Variants in JAKMIP1 observed in about 807,000 individuals in gnomAD.
JAKMIP1 encodes the protein janus kinase and microtubule interacting protein 1.
A neutral mutation model predicts 113.0 loss-of-function variants in JAKMIP1; 33 were observed. The observed-to-expected ratio is 0.29, with a 90% CI of 0.22 to 0.39. The LOEUF (loss-of-function observed/expected upper bound fraction) is 0.39, where lower values mean the gene tolerates loss of function less well. JAKMIP1 is among the 10% of genes least tolerant of loss of function. The pLI, the probability that JAKMIP1 is intolerant of heterozygous loss-of-function variation, is 1.00. For missense variants in JAKMIP1, 813 were observed against 1,080.5 expected (o/e 0.75, Z 3.47); for synonymous variants, 480 against 459.9 (o/e 1.04, Z -0.56).
At position 6,081,820 on chromosome 4, in the gene JAKMIP1, C is replaced by T. The variant is rs76793207; in HGVS notation, c.955-65G>A. On this transcript the variant is annotated intron_variant, in intron 5 of 20. Coordinates refer to ENST00000409021, the MANE Select transcript of JAKMIP1 (RefSeq NM_001099433.2). The surrounding 1 kb of genome is among the most constrained non-coding windows in gnomAD (Gnocchi z 4.6). ...CGACGGACGGCCGAGGTCACAGCAC[C>T]GAGGTGAGCAGAGACTCAACCCAGT... is the stretch of plus-strand genomic sequence containing the variant. 17,012 of 1,594,454 alleles carry T rather than the reference C, an allele frequency of 0.011. 138 individuals carry two copies. Among genetic ancestry groups the T allele is most frequent in the Non-Finnish European group, 0.012 (13,983 of 1,166,574 alleles).
rs1430412253 is a variant in JAKMIP1 at position 6,067,111 on chromosome 4, A to C, written c.1303-2103T>G. 6.6e-6 allele frequency among the ~76,000 whole-genome samples: 1 copy of C among 151,888 alleles called. No homozygotes were observed. The highest frequency in any genetic ancestry group is 2.4e-5 in the African/African-American group (1 of 41,318). On this transcript the variant is annotated intron_variant, in intron 8 of 20. Coordinates refer to ENST00000409021, the MANE Select transcript of JAKMIP1 (RefSeq NM_001099433.2). The surrounding 1 kb of genome is among the most constrained non-coding windows in gnomAD (Gnocchi z 4.6). ...CCTTCTTTATTCCTTTCCATAGCAC[A>C]TCTCCCCGCTGACGTAAGATCTGGC...
chr4:6,110,926 C>A (rs1714831934), intron 2 of JAKMIP1, among the ~76,000 whole-genome samples: 1 of 151,706 alleles, frequency 6.6e-6, no homozygotes, highest in Admixed American at 6.6e-5. Flanking sequence ...CCGGAGGTGA[C>A]CTGGCCTGTT....
chr4:6,112,825 C>G lies in JAKMIP1; in HGVS notation c.26G>C (p.Gly9Ala). Residue 9 changes from glycine (G) to alanine (A), a missense_variant, in exon 2 of 21, where the codon GGC becomes GCC. Physicochemically the swap from Gly to Ala is moderately conservative, Grantham distance 60. This residue lies in a region of JAKMIP1 where 540 missense variants were observed against 653.9 expected (regional missense o/e 0.83). Coordinates refer to ENST00000409021, the MANE Select transcript of JAKMIP1 (RefSeq NM_001099433.2). ...GTCCGTCTCCATCTCGGGCTTCTCG[C>G]CCTTGCTCCGGCCTTTCTTCGACAT... Reference protein sequence around the residue: MSKKGRSKGEKPEMETDAV... With the variant: MSKKGRSKAEKPEMETDAV... 1 of 1,614,048 alleles carries G rather than the reference C, an allele frequency of 6.2e-7. No individual in the cohort carries two copies. The highest frequency in any genetic ancestry group is 8.5e-7 in the Non-Finnish European group (1 of 1,180,022).
chr4:6,033,102 G>C (rs761605147), intron 19 of JAKMIP1, among the ~76,000 whole-genome samples: 1 of 152,244 alleles, frequency 6.6e-6, no homozygotes, highest in Admixed American at 6.5e-5. Flanking sequence ...GAATCATTCC[G>C]CTGGGAAAGG....
chr4:6,128,716 A>C (rs4574484), intron 1 of JAKMIP1, among the ~76,000 whole-genome samples: 32,174 of 152,092 alleles, frequency 0.21, 3,613 homozygotes, highest in Middle Eastern at 0.26. Flanking sequence ...AGTCCTCTCT[A>C]GAGTCCTTCT....
At position 6,197,589 on chromosome 4, in the gene JAKMIP1, A is replaced by C. The variant is rs1296915445; in HGVS notation, c.-148+2664T>G. Among the ~76,000 whole-genome samples the C allele has an allele frequency of 6.6e-6, 1 of 152,234 alleles. No homozygotes were observed. Among genetic ancestry groups the C allele is most frequent in the Non-Finnish European group, 1.5e-5 (1 of 68,046 alleles). On this transcript the variant is annotated intron_variant, in intron 1 of 20. Coordinates refer to ENST00000409021, the MANE Select transcript of JAKMIP1 (RefSeq NM_001099433.2). The surrounding 1 kb of genome is among the most constrained non-coding windows in gnomAD (Gnocchi z 6.5). ...AAACTACAGGCAAGTCCAACTTCAGAAGCCCTGCAGGTTGATCCCGTCGCC... is the reference window on the plus strand; with the variant it reads ...AAACTACAGGCAAGTCCAACTTCAGCAGCCCTGCAGGTTGATCCCGTCGCC...
chr4:6,092,016 G>A (rs1022765581), intron 3 of JAKMIP1, among the ~76,000 whole-genome samples: 2 of 152,136 alleles, frequency 1.3e-5, no homozygotes, highest in Non-Finnish European at 2.9e-5. Flanking sequence ...AGAACCTTTG[G>A]AATCTCAGAG....
At chr4:6,107,401 G>A (rs1218383968) in intron 2 of JAKMIP1, among the ~76,000 whole-genome samples, 2 of 152,166 alleles carry the variant, frequency 1.3e-5, no homozygotes. Context: ...GTTGTGGGTC[G>A]ACTTGGCTGG....
intron 20 of JAKMIP1, among the ~76,000 whole-genome samples, chr4:6,028,364 C>T (rs561106818): frequency 6.6e-6 from 1 of 152,330 alleles, no homozygotes; most frequent in South Asian, 2.1e-4. Context: ...CTGCCCCCGC[C>T]CCTGCGCACA....
intron 1 of JAKMIP1, among the ~76,000 whole-genome samples, chr4:6,164,203 C>T (rs1359770020): frequency 6.6e-6 from 1 of 152,326 alleles, no homozygotes; most frequent in Admixed American, 6.5e-5. Context: ...CAGGCTGACT[C>T]TCTTGCTAGG....
chr4:6,030,388 G>A (rs576810455), intron 19 of JAKMIP1, among the ~76,000 whole-genome samples: 32 of 152,150 alleles, frequency 2.1e-4, no homozygotes, highest in Non-Finnish European at 4.7e-4. Context: ...CCTGGTGTGA[G>A]CCTCAGGAAA....
intron 7 of JAKMIP1, among the ~76,000 whole-genome samples, chr4:6,079,724 T>C (rs1456650004): frequency 6.6e-6 from 1 of 152,188 alleles, no homozygotes; most frequent in Non-Finnish European, 1.5e-5. Flanking sequence ...CAGGCAGTCT[T>C]AGCAAGGTGC....
chr4:6,045,935 T>C (rs139470243), intron 16 of JAKMIP1, among the ~76,000 whole-genome samples: 43 of 152,284 alleles, frequency 2.8e-4, no homozygotes, highest in Non-Finnish European at 5.9e-4. Flanking sequence ...GATACCCGTA[T>C]GGAATGACAA....
At chr4:6,131,399 C>T (rs1718505996) in intron 1 of JAKMIP1, among the ~76,000 whole-genome samples, 1 of 149,278 alleles carries the variant, frequency 6.7e-6, no homozygotes, top group African/African-American at 2.5e-5. Context: ...CTACACTTAG[C>T]ATATCATATG....
At position 6,176,783 on chromosome 4, in the gene JAKMIP1, G is replaced by C. The variant is rs960506270; in HGVS notation, c.-148+23470C>G. Among the ~76,000 whole-genome samples the C allele has an allele frequency of 3.9e-5, 6 of 152,176 alleles. No homozygotes were observed. The highest frequency in any genetic ancestry group is 3.9e-4 in the Admixed American group (6 of 15,270). ...GCCATGGCTCACACCTGTAATCCTA[G>C]CACTTTTTGGGGGCCGAGGCAGGCG... On this transcript the variant is annotated intron_variant, in intron 1 of 20. Transcript: ENST00000409021. The surrounding 1 kb of genome is among the most constrained non-coding windows in gnomAD (Gnocchi z 5.5).
chr4:6,078,412 T>TTC lies in JAKMIP1; in HGVS notation c.1302+526_1302+527insGA, dbSNP rs1203186376. ...TAAAGGCAAACTATGCTTTTTTTTT[T>TTC]TTTTTTGGTATCAGCTCCAGTGCGC... On this transcript the variant is annotated intron_variant, in intron 8 of 20. Coordinates refer to ENST00000409021, the MANE Select transcript of JAKMIP1 (RefSeq NM_001099433.2). Among the ~76,000 whole-genome samples, 4 of 151,776 alleles carry TTC rather than the reference T, an allele frequency of 2.6e-5. No homozygotes were observed. The East Asian group carries it at 7.7e-4, about 29-fold the overall frequency.
intron 3 of JAKMIP1, among the ~76,000 whole-genome samples, chr4:6,101,190 G>A (rs1177291566): frequency 6.6e-6 from 1 of 152,044 alleles, no homozygotes; most frequent in African/African-American, 2.4e-5. Flanking sequence ...TTTACATGTA[G>A]GCCTATGGAC....
intron 1 of JAKMIP1, among the ~76,000 whole-genome samples, chr4:6,152,789 A>AATATATATATATATATATATATATAT (rs35192547): frequency 5.3e-4 from 72 of 135,242 alleles, no homozygotes; most frequent in African/African-American, 1.9e-3. Flanking sequence ...TAAAAATACA[A>AATATATATATATATATATATATATAT]ATATATATAT....
rs1236611137 is a variant in JAKMIP1 at position 6,179,202 on chromosome 4, A to G, written c.-148+21051T>C. On this transcript the variant is annotated intron_variant, in intron 1 of 20. Coordinates refer to ENST00000409021, the MANE Select transcript of JAKMIP1 (RefSeq NM_001099433.2). The surrounding 1 kb of genome is among the most constrained non-coding windows in gnomAD (Gnocchi z 4.5). The stretch of plus-strand genomic sequence containing the variant: ...TTGCTGAAACCACCTGGGCAGCCCT[A>G]TGTGGCTGGAGAGAGGGTGAGATTC... Among the ~76,000 whole-genome samples the G allele has an allele frequency of 1.3e-5, 2 of 152,196 alleles. No individual in the cohort carries two copies. Among genetic ancestry groups the G allele is most frequent in the South Asian group, 2.1e-4 (1 of 4,838 alleles).
Sources: allele counts gnomAD v4.1 joint callset (sites outside exome capture counted in the v4.1 genomes callset), GRCh38; gene constraint gnomAD v4.1.1; regional missense constraint gnomAD v4.1.1; non-coding constraint Gnocchi (gnomAD v3.1); transcripts MANE v1.5; gene names NCBI Gene and HGNC (gene_info 2026-07-23, HGNC 2026-07-21).